Variants in PCDHGB4 observed in about 807,000 individuals in gnomAD.
PCDHGB4 encodes the protein protocadherin gamma subfamily B, 4, also known as protocadherin gamma-B4.
In PCDHGB4, 38 loss-of-function variants were observed where a neutral mutation model predicts 60.5. That is an observed-to-expected ratio of 0.63 (90% CI 0.48 to 0.82). The LOEUF (loss-of-function observed/expected upper bound fraction) is 0.82, where lower values mean the gene tolerates loss of function less well. PCDHGB4 is among the 40% of genes least tolerant of loss of function. The pLI, the probability that PCDHGB4 is intolerant of heterozygous loss-of-function variation, is 0.00. For synonymous variants in PCDHGB4, 456 were observed against 509.7 expected, an observed-to-expected ratio of 0.89 and a Z score of 1.42; for missense variants, 1,109 against 1,209.6, an observed-to-expected ratio of 0.92 and a Z score of 1.23.
intron 1 of PCDHGB4, chr5:141,428,187 C>T: frequency 1.4e-6 from 2 of 1,439,502 alleles, no homozygotes; most frequent in Non-Finnish European, 1.9e-6. Context: ...GGACAGCCGC[C>T]GCTCTCTGCG....
chr5:141,443,167 C>T (rs745545091), intron 1 of PCDHGB4, among the ~76,000 whole-genome samples: 4 of 152,084 alleles, frequency 2.6e-5, no homozygotes, highest in Non-Finnish European at 5.9e-5. Flanking sequence ...TTTCCCTACC[C>T]ATGTCCACTG....
At chr5:141,505,261 T>C in intron 2 of PCDHGB4, 132 bp from the exon 3 acceptor site, 1 of 1,505,282 alleles carries the variant, frequency 6.6e-7, no homozygotes. Context: ...GCCTCCTACC[T>C]TGCTGAGAGA....
At chr5:141,459,775 T>C (rs377188083) in intron 1 of PCDHGB4, among the ~76,000 whole-genome samples, 8 of 152,362 alleles carry the variant, frequency 5.3e-5, no homozygotes, top group African/African-American at 1.4e-4. Flanking sequence ...TACTATCTCA[T>C]TGAAGTTTCA....
Position 141,501,330 on chromosome 5 carries a change from CA to C in PCDHGB4, c.2457-4062del, listed in dbSNP as rs1562200936. 1.8e-3 allele frequency among the ~76,000 whole-genome samples: 266 copies of C among 151,500 alleles called. 1 individual carries two copies. Among genetic ancestry groups the C allele is most frequent in the African/African-American group, 5.1e-3 (210 of 41,250 alleles). On this transcript the variant is annotated intron_variant, in intron 2 of 3. Transcript: ENST00000519479. ...ACACACACACACACACACACACACACACACCCCAAACTCAATAGGGCAAGAA... is the reference window on the plus strand; with the variant it reads ...ACACACACACACACACACACACACACCACCCCAAACTCAATAGGGCAAGAA...
intron 1 of PCDHGB4, among the ~76,000 whole-genome samples, chr5:141,465,159 A>C (rs1333891587): frequency 6.6e-6 from 1 of 151,952 alleles, no homozygotes; most frequent in East Asian, 1.9e-4. Flanking sequence ...AGGGACTCTA[A>C]ATGTTTATGA....
At chr5:141,404,381 T>A (rs762394525) in intron 1 of PCDHGB4, 5 of 1,613,954 alleles carry the variant, frequency 3.1e-6, no homozygotes, top group Middle Eastern at 1.6e-4. Context: ...CGTGATTGCC[T>A]ATGACCCTGA....
chr5:141,478,801 T>G (rs2099477985), intron 1 of PCDHGB4: 1 of 1,463,438 alleles, frequency 6.8e-7, no homozygotes, highest in African/African-American at 1.4e-5. Flanking sequence ...TCAGCACTCT[T>G]TTGCTATCAC....
chr5:141,418,579 A>C, intron 1 of PCDHGB4: 1 of 1,614,000 alleles, frequency 6.2e-7, no homozygotes. Context: ...ACAACCCCCC[A>C]GTGTTCAGCC....
chr5:141,394,520 A>G, intron 1 of PCDHGB4: 4 of 1,614,190 alleles, frequency 2.5e-6, no homozygotes, highest in African/African-American at 1.3e-5. Context: ...CCCTCCCCAC[A>G]GACGGTTCCA....
chr5:141,409,483 G>A, intron 1 of PCDHGB4: 1 of 1,613,944 alleles, frequency 6.2e-7, no homozygotes, highest in Non-Finnish European at 8.5e-7. Context: ...CCACTGACAG[G>A]GGCAAGCCGC....
intron 1 of PCDHGB4, chr5:141,423,913 C>T: frequency 7.9e-7 from 1 of 1,269,552 alleles, no homozygotes; most frequent in Non-Finnish European, 1.0e-6. Context: ...AGGGGCCATT[C>T]AACTATGCTG....
intron 1 of PCDHGB4, chr5:141,427,795 C>A: frequency 6.7e-7 from 1 of 1,499,260 alleles, no homozygotes; most frequent in Non-Finnish European, 9.2e-7. Context: ...TCCTACGTGT[C>A]CGTGAGCGCA....
chr5:141,478,118 G>A (rs1266841885), intron 1 of PCDHGB4: 1 of 1,613,930 alleles, frequency 6.2e-7, no homozygotes, highest in East Asian at 2.2e-5. Context: ...GTCAGTAACC[G>A]AGGACTCTCC....
At chr5:141,478,396 G>GT in intron 1 of PCDHGB4, 1 of 1,613,564 alleles carries the variant, frequency 6.2e-7, no homozygotes, top group Non-Finnish European at 8.5e-7. Flanking sequence ...ACCATCAGGT[G>GT]TATCTCACCA....
At position 141,489,748 on chromosome 5, in the gene PCDHGB4, T is replaced by C. The variant is rs763688648; in HGVS notation, c.2398-5059T>C. On this transcript the variant is annotated intron_variant, in intron 1 of 3. Transcript: ENST00000519479. The surrounding 1 kb of genome is among the most constrained non-coding windows in gnomAD (Gnocchi z 4.5). ...TGTGGGCACCAATACTGTGAGCTTT[T>C]ACACTCTAAGCCCCAACAGCCACTT... is the stretch of plus-strand genomic sequence containing the variant. The C allele has an allele frequency of 1.8e-5, 29 of 1,614,038 alleles. No homozygotes were observed. Among genetic ancestry groups the C allele is most frequent in the Non-Finnish European group, 1.6e-5 (19 of 1,180,010 alleles).
chr5:141,414,778 C>G, intron 1 of PCDHGB4: 5 of 1,614,202 alleles, frequency 3.1e-6, no homozygotes, highest in Non-Finnish European at 3.4e-6. Context: ...GCTACAGATG[C>G]AGGTGACAGC....
chr5:141,458,888 T>C (rs756640295), intron 1 of PCDHGB4, among the ~76,000 whole-genome samples: 3 of 152,118 alleles, frequency 2.0e-5, no homozygotes, highest in Non-Finnish European at 2.9e-5. Flanking sequence ...ATGCACACCA[T>C]GCGCAGCTAA....
intron 1 of PCDHGB4, chr5:141,409,449 C>A (rs1317609642): frequency 6.2e-7 from 1 of 1,613,934 alleles, no homozygotes; most frequent in South Asian, 1.1e-5. Flanking sequence ...GAGCAGACAC[C>A]AGAATACAAT....
At chr5:141,481,327 T>C (rs2099535776) in intron 1 of PCDHGB4, among the ~76,000 whole-genome samples, 1 of 152,244 alleles carries the variant, frequency 6.6e-6, no homozygotes, top group Non-Finnish European at 1.5e-5. Context: ...CACTAGCCCC[T>C]GGACAACTAT....
Sources: gnomAD v4.1 joint callset for allele counts (sites outside exome capture counted in the v4.1 genomes callset) on GRCh38, gnomAD v4.1.1 for gene constraint, Gnocchi (gnomAD v3.1) non-coding constraint, MANE v1.5 for transcripts, NCBI Gene and HGNC (gene_info 2026-07-23, HGNC 2026-07-21) for gene names.